Variants in CLASP2 observed in about 807,000 individuals in gnomAD.
The protein encoded by CLASP2 is cytoplasmic linker associated protein 2.
Under a neutral mutation model 194.4 loss-of-function variants are expected in CLASP2, and 47 were observed. The observed-to-expected ratio is 0.24, with a 90% CI of 0.19 to 0.31. The LOEUF is 0.31. Among genes scored for constraint, CLASP2 ranks in the 10% least tolerant of loss-of-function variants. The pLI is 1.00. For missense variants in CLASP2, 1,445 were observed against 1,823.6 expected (o/e 0.79, Z 3.78); for synonymous variants, 619 against 633.5 (o/e 0.98, Z 0.34).
chr3:33,566,904 T>A (rs1403619536), intron 26 of CLASP2, among the ~76,000 whole-genome samples, 170 bp from the exon 27 acceptor site: 1 of 152,246 alleles, frequency 6.6e-6, no homozygotes, highest in Non-Finnish European at 1.5e-5. Flanking sequence ...CAAAATAGTT[T>A]TTAAAACAAG....
chr3:33,552,172 G>GT (rs1249917413), intron 29 of CLASP2, among the ~76,000 whole-genome samples: 34 of 148,372 alleles, frequency 2.3e-4, no homozygotes, highest in African/African-American at 8.2e-4. Context: ...AGGCTGGAGT[G>GT]TAATGGTGCG....
intron 38 of CLASP2, among the ~76,000 whole-genome samples, chr3:33,500,228 T>C (rs1311143892): frequency 6.6e-6 from 1 of 151,978 alleles, no homozygotes; most frequent in African/African-American, 2.4e-5. Flanking sequence ...AGAGACAGGG[T>C]GTTCCTATGT....
intron 23 of CLASP2, chr3:33,577,121 T>C (rs2065061979): frequency 2.0e-6 from 2 of 1,002,726 alleles, no homozygotes; most frequent in African/African-American, 1.7e-5. Flanking sequence ...TTTTAAAACA[T>C]GAATATTATT....
intron 6 of CLASP2, among the ~76,000 whole-genome samples, chr3:33,680,762 G>A (rs2089684444): frequency 6.6e-6 from 1 of 152,006 alleles, no homozygotes; most frequent in South Asian, 2.1e-4. Flanking sequence ...AGTGAACCGT[G>A]GTCACGCCAC....
At chr3:33,523,305 C>T (rs1197061031) in intron 34 of CLASP2, among the ~76,000 whole-genome samples, 1 of 151,946 alleles carries the variant, frequency 6.6e-6, no homozygotes, top group East Asian at 1.9e-4. Flanking sequence ...TGAACATAAA[C>T]ATATAAGAAG....
intron 6 of CLASP2, among the ~76,000 whole-genome samples, chr3:33,682,433 G>C (rs2089997534): frequency 6.6e-6 from 1 of 152,080 alleles, no homozygotes; most frequent in African/African-American, 2.4e-5. Flanking sequence ...ACTGATAATT[G>C]TTTAAACCAA....
chr3:33,604,256 C>A, intron 16 of CLASP2, 47 bp from the exon 17 acceptor site: 1 of 1,245,076 alleles, frequency 8.0e-7, no homozygotes, highest in Admixed American at 2.2e-5. Flanking sequence ...ATTTAACACT[C>A]CTCTGATAAA....
Position 33,717,837 on chromosome 3 carries a change from T to C in CLASP2, c.166A>G (p.Thr56Ala). ...TAGTTGCTCGAACCCACCCAGCCGG[T>C]GAGCGCGTCGACTGTCTTGCCTAGG... ...GRLGKTVDAL[T>A]GWVGSSNYRV... The change falls in exon 1 of 39, where the codon ACC (threonine) becomes GCC (alanine). Residue 56 changes from threonine to alanine, a missense_variant. By Grantham distance (58) the Thr-to-Ala change is moderately conservative. Coordinates refer to ENST00000682230, the MANE Select transcript of CLASP2 (RefSeq NM_001365631.1). 1.3e-6 allele frequency: 2 copies of C among 1,563,488 alleles called. No individual in the cohort carries two copies. The highest frequency in any genetic ancestry group is 1.2e-5 in the South Asian group (1 of 84,934).
chr3:33,580,029 A>G (rs990856431), intron 23 of CLASP2, among the ~76,000 whole-genome samples: 30 of 152,174 alleles, frequency 2.0e-4, no homozygotes, highest in African/African-American at 7.0e-4. Context: ...TATGAACTAA[A>G]AATATCTCTG....
intron 26 of CLASP2, among the ~76,000 whole-genome samples, chr3:33,568,976 G>A (rs1351387448): frequency 2.0e-5 from 3 of 152,144 alleles, no homozygotes; most frequent in South Asian, 4.1e-4. Context: ...TATTGACAGA[G>A]TCTCTGATGG....
chr3:33,596,344 A>G (rs2154245677), intron 19 of CLASP2, among the ~76,000 whole-genome samples: 1 of 152,282 alleles, frequency 6.6e-6, no homozygotes, highest in Non-Finnish European at 1.5e-5. Flanking sequence ...ATCACTTAAT[A>G]GACTAAAGAG....
chr3:33,621,337 C>T (rs910798504), intron 11 of CLASP2, among the ~76,000 whole-genome samples: 3 of 152,164 alleles, frequency 2.0e-5, no homozygotes, highest in East Asian at 1.9e-4. Flanking sequence ...TTCATGGTTA[C>T]GTTTTATGGG....
chr3:33,605,745 A>G (rs768908478), intron 16 of CLASP2, among the ~76,000 whole-genome samples: 1 of 152,062 alleles, frequency 6.6e-6, no homozygotes, highest in African/African-American at 2.4e-5. Flanking sequence ...CAGCCTCCCA[A>G]GTAGCTGGGA....
chr3:33,618,826 T>C (rs2076642559), intron 12 of CLASP2, among the ~76,000 whole-genome samples: 2 of 152,156 alleles, frequency 1.3e-5, no homozygotes, highest in South Asian at 4.1e-4. Context: ...AGGGAGAGAT[T>C]TGTTTTTTCA....
chr3:33,506,868 T>C (rs942382347), intron 37 of CLASP2, among the ~76,000 whole-genome samples: 1 of 152,140 alleles, frequency 6.6e-6, no homozygotes, highest in Non-Finnish European at 1.5e-5. Flanking sequence ...TTTACTATCA[T>C]AGCTTTGTAA....
Position 33,573,239 on chromosome 3 carries a change from A to T in CLASP2, c.2570T>A (p.Ile857Asn). Residue 857 changes from isoleucine (I) to asparagine (N), a missense_variant, in exon 25 of 39, where the codon ATT becomes AAT. Transcript: ENST00000682230. ...TTCCGTCTGCCTCATATATGTAGGA[A>T]TACTACCATTTCGAGAACTATAGGA... is the stretch of plus-strand genomic sequence containing the variant. ...ERSYSSRNGS[I>N]PTYMRQTEDV... 2 of 1,613,958 alleles carry T rather than the reference A, an allele frequency of 1.2e-6. No individual in the cohort carries two copies. Among genetic ancestry groups the T allele is most frequent in the Non-Finnish European group, 1.7e-6 (2 of 1,179,854 alleles).
intron 34 of CLASP2, among the ~76,000 whole-genome samples, chr3:33,532,889 T>C (rs1308169219): frequency 1.3e-5 from 2 of 152,174 alleles, no homozygotes; most frequent in African/African-American, 2.4e-5. Flanking sequence ...TTTGTTGTTA[T>C]GCAGGAGAAT....
In CLASP2 at chr3:33,535,177, T is replaced by G. The variant is rs371996629; in HGVS notation, c.3787+56A>C. The G allele has an allele frequency of 2.2e-5, 27 of 1,210,014 alleles. No homozygotes were observed. The South Asian group carries it at 2.5e-4, about 11-fold the overall frequency. The allele number at this position is 1,210,014 out of a possible 1,614,324, so 75.0% of individuals were successfully genotyped here. On this transcript the variant is annotated intron_variant, in intron 34 of 38. Coordinates refer to ENST00000682230, the MANE Select transcript of CLASP2 (RefSeq NM_001365631.1). ...AAAAAAGCATATGCATTTCTTTTAC[T>G]TCATCAATTACCAAGTTCTCCAAAA... is the stretch of plus-strand genomic sequence containing the variant.
At chr3:33,686,330 C>T (rs1223619915) in intron 5 of CLASP2, among the ~76,000 whole-genome samples, 1 of 152,144 alleles carries the variant, frequency 6.6e-6, no homozygotes, top group Non-Finnish European at 1.5e-5. Flanking sequence ...CATATGGGTT[C>T]ATAGCCTGTT....
Sources: gnomAD v4.1 joint callset for allele counts (sites outside exome capture counted in the v4.1 genomes callset) on GRCh38, gnomAD v4.1.1 for gene constraint, MANE v1.5 for transcripts, NCBI Gene and HGNC (gene_info 2026-07-23, HGNC 2026-07-21) for gene names.